Variants in BICD1 observed in about 807,000 individuals in gnomAD.
The protein encoded by BICD1 is BICD cargo adaptor 1.
BICD1 carries 35 observed loss-of-function variants against 92.5 expected under a neutral mutation model. That is an observed-to-expected ratio of 0.38 (90% CI 0.29 to 0.50). The LOEUF is 0.50. Among genes scored for constraint, BICD1 ranks in the 20% least tolerant of loss-of-function variants. BICD1 has a pLI of 0.93. For missense variants in BICD1, 950 were observed against 1,189.8 expected, an observed-to-expected ratio of 0.80 and a Z score of 2.97; for synonymous variants, 429 against 465.1, an observed-to-expected ratio of 0.92 and a Z score of 1.00.
chr12:32,376,178 T>C (rs1238911110), intron 9 of BICD1, among the ~76,000 whole-genome samples: 1 of 151,000 alleles, frequency 6.6e-6, no homozygotes, highest in African/African-American at 2.4e-5. Flanking sequence ...CTGCCTCCCA[T>C]GTTCAAGTGA....
At chr12:32,351,509 AAAG>A in intron 8 of BICD1, among the ~76,000 whole-genome samples, 2 of 149,414 alleles carry the variant, frequency 1.3e-5, no homozygotes, top group Non-Finnish European at 3.0e-5. Context: ...AAAAAAAAAA[AAAG>A]AAAGGAGAAA....
At chr12:32,259,357 TA>T (rs1946799044) in intron 2 of BICD1, among the ~76,000 whole-genome samples, 1 of 152,180 alleles carries the variant, frequency 6.6e-6, no homozygotes, top group Non-Finnish European at 1.5e-5. Context: ...CACAAATAAA[TA>T]AAGGATTATT....
intron 2 of BICD1, among the ~76,000 whole-genome samples, chr12:32,233,207 G>A (rs2594006): frequency 0.41 from 61,687 of 151,354 alleles, 12,870 homozygotes; most frequent in Middle Eastern, 0.48. Flanking sequence ...ATGTAACCCC[G>A]GCTACTCTGG....
Position 32,347,205 on chromosome 12 carries a change from C to T in BICD1, c.2764+8226C>T, listed in dbSNP as rs190957645. ...ACCTCAGTTGATCCTCCTGCCTCAG[C>T]CTTCCAAAGTGCTGGGATTACAGGC... is the stretch of plus-strand genomic sequence containing the variant. On this transcript the variant is annotated intron_variant, in intron 8 of 9. Transcript: ENST00000652176. 3.8e-3 allele frequency among the ~76,000 whole-genome samples: 578 copies of T among 151,730 alleles called. 1 individual carries two copies. Among genetic ancestry groups the T allele is most frequent in the African/African-American group, 0.013 (556 of 41,462 alleles).
At chr12:32,198,959 A>C (rs1323691827) in intron 1 of BICD1, among the ~76,000 whole-genome samples, 1 of 152,080 alleles carries the variant, frequency 6.6e-6, no homozygotes, top group East Asian at 1.9e-4. Context: ...TTCTACCTTT[A>C]ATATTCCATT....
chr12:32,181,489 C>A (rs1211785385), intron 1 of BICD1, among the ~76,000 whole-genome samples: 2 of 151,708 alleles, frequency 1.3e-5, no homozygotes, highest in Admixed American at 1.3e-4. Flanking sequence ...ATAGTTCTGG[C>A]TACAAAATGA....
At position 32,205,749 on chromosome 12, in the gene BICD1, G is replaced by A. The variant is rs59032534; in HGVS notation, c.214-10498G>A. Among the ~76,000 whole-genome samples the A allele has an allele frequency of 7.0e-3, 656 of 94,262 alleles. 13 individuals are homozygous for A. The highest frequency in any genetic ancestry group is 0.023 in the African/African-American group (617 of 26,878). The allele number at this position is 94,262 out of a possible 152,430, so 61.8% of individuals were successfully genotyped here. On this transcript the variant is annotated intron_variant, in intron 1 of 9. Transcript: ENST00000652176. The stretch of plus-strand genomic sequence containing the variant: ...AATTTTGACATATGTATATACTTGC[G>A]AAATCATCAACACAACCAAGATAAT...
chr12:32,217,934 G>A (rs1175602433), intron 2 of BICD1, among the ~76,000 whole-genome samples: 1 of 152,210 alleles, frequency 6.6e-6, no homozygotes, highest in Admixed American at 6.5e-5. Context: ...ATGTGGCATG[G>A]GCAACGTGAG....
At position 32,305,830 on chromosome 12, in the gene BICD1, T is replaced by C. The variant is rs1948196286; in HGVS notation, c.713T>C (p.Leu238Ser). Residue 238 changes from leucine (L) to serine (S), a missense_variant, in exon 4 of 10, where the codon TTA becomes TCA. Transcript: ENST00000652176. ...EHQLEEALET[L>S]KNEREQKNNL... ...CAACTGGAAGAAGCCCTCGAGACTT[T>C]AAAAAATGAAAGAGAGCAAAAGAAC... 5.0e-6 allele frequency: 8 copies of C among 1,614,136 alleles called. No homozygotes were observed. In the East Asian group the frequency reaches 1.8e-4, roughly 36 times the overall value.
chr12:32,239,151 G>A (rs573922915), intron 2 of BICD1, among the ~76,000 whole-genome samples: 1 of 151,138 alleles, frequency 6.6e-6, no homozygotes, highest in South Asian at 2.1e-4. Flanking sequence ...GGAGGCTGAG[G>A]CAGGAGAATG....
intron 2 of BICD1, among the ~76,000 whole-genome samples, chr12:32,246,057 A>G (rs1233018157): frequency 7.0e-6 from 1 of 142,064 alleles, no homozygotes; most frequent in Non-Finnish European, 1.5e-5. Flanking sequence ...AAAAAAAAGG[A>G]AAAAGGATGA....
intron 1 of BICD1, chr12:32,108,089 A>G (rs1020409343): frequency 4.1e-6 from 1 of 241,418 alleles, no homozygotes; most frequent in South Asian, 6.1e-5. Flanking sequence ...CATTCTTGTC[A>G]TTGGGCTGCA....
chr12:32,342,175 T>TGTATATATAC (rs1565684475), intron 8 of BICD1, among the ~76,000 whole-genome samples: 1 of 136,648 alleles, frequency 7.3e-6, no homozygotes, highest in Non-Finnish European at 1.5e-5. Flanking sequence ...TGTATATATA[T>TGTATATATAC]ATGTGTGTAT....
rs988459440 is a variant in BICD1 at position 32,378,920 on chromosome 12, A to G, written c.*1293A>G. The G allele has an allele frequency of 3.9e-5, 6 of 152,224 alleles. No individual in the cohort carries two copies. The highest frequency in any genetic ancestry group is 1.4e-4 in the African/African-American group (6 of 41,460). The allele number at this position is 152,224 out of a possible 1,614,324, so 9.4% of individuals were successfully genotyped here. A position where few individuals can be genotyped will look rare whatever the true frequency, so the allele number is the denominator to read the frequency against. On this transcript the variant is annotated 3_prime_UTR_variant, in exon 10 of 10. Transcript: ENST00000652176. ...TTGATTTAAGGCAGTGGATTTTCATAGCAAAATTTATTTTGCACATAATCT... is the reference window on the plus strand; with the variant it reads ...TTGATTTAAGGCAGTGGATTTTCATGGCAAAATTTATTTTGCACATAATCT...
At position 32,383,202 on chromosome 12, in the gene BICD1, T is replaced by G. The variant is rs557496023; in HGVS notation, c.*5575T>G. On this transcript the variant is annotated 3_prime_UTR_variant, in exon 10 of 10. Coordinates refer to ENST00000652176, the MANE Select transcript of BICD1 (RefSeq NM_001714.4). ...CTACATTTAATTGCAGTTTAATTATTATGCCTTTTGGGGTTAAATGATGTG... is the reference window on the plus strand; with the variant it reads ...CTACATTTAATTGCAGTTTAATTATGATGCCTTTTGGGGTTAAATGATGTG... 2 of 152,140 alleles carry G rather than the reference T, an allele frequency of 1.3e-5. No individual in the cohort carries two copies. The highest frequency in any genetic ancestry group is 2.9e-5 in the Non-Finnish European group (2 of 67,962). 9.4% of individuals were successfully genotyped at this position (152,140 alleles called of 1,614,324 possible). A position where few individuals can be genotyped will look rare whatever the true frequency, so the allele number is the denominator to read the frequency against.
intron 1 of BICD1, among the ~76,000 whole-genome samples, chr12:32,203,953 C>G (rs1311892503): frequency 6.6e-6 from 1 of 152,086 alleles, no homozygotes. Context: ...CCCATAAATA[C>G]TTGAGGAAGA....
intron 2 of BICD1, among the ~76,000 whole-genome samples, chr12:32,266,059 A>G (rs1471887187): frequency 6.6e-6 from 1 of 152,176 alleles, no homozygotes; most frequent in Admixed American, 6.5e-5. Context: ...TAAACTTTTA[A>G]TAGTGATATA....
At chr12:32,375,553 C>T (rs1479436038) in intron 9 of BICD1, among the ~76,000 whole-genome samples, 2 of 152,034 alleles carry the variant, frequency 1.3e-5, no homozygotes, top group African/African-American at 2.4e-5. Context: ...TGAAACTATG[C>T]GCTATTTTCT....
At chr12:32,218,728 T>G (rs1555149429) in intron 2 of BICD1, among the ~76,000 whole-genome samples, 1 of 152,134 alleles carries the variant, frequency 6.6e-6, no homozygotes, top group Non-Finnish European at 1.5e-5. Context: ...GTCAGGTAAC[T>G]AAAAGAAAAA....
Sources: allele counts gnomAD v4.1 joint callset (sites outside exome capture counted in the v4.1 genomes callset), GRCh38; gene constraint gnomAD v4.1.1; transcripts MANE v1.5; gene names NCBI Gene and HGNC (gene_info 2026-07-23, HGNC 2026-07-21).